The following PCSK5 variants were observed in gnomAD, a reference collection of about 807,000 sequenced individuals.
The protein encoded by PCSK5 is prohormone convertase 5.
Under a neutral mutation model 233.2 loss-of-function variants are expected in PCSK5, and 129 were observed. The observed-to-expected ratio is 0.55, with a 90% CI of 0.48 to 0.64. The LOEUF (loss-of-function observed/expected upper bound fraction) is 0.64. Ranked by LOEUF, PCSK5 falls within the 30% of genes least tolerant of loss-of-function variation. The probability of loss-of-function intolerance (pLI) is 0.00; values close to 1 mark genes in which losing one functional copy is unlikely to be tolerated. For missense variants in PCSK5, 2,076 were observed against 2,430.1 expected, an observed-to-expected ratio of 0.85 and a Z score of 3.06; for synonymous variants, 825 against 879.2, an observed-to-expected ratio of 0.94 and a Z score of 1.09.
At chr9:76,348,377 C>T (rs1323068149) in intron 35 of PCSK5, among the ~76,000 whole-genome samples, 1 of 152,160 alleles carries the variant, frequency 6.6e-6, no homozygotes, top group East Asian at 1.9e-4. Flanking sequence ...CGCCACTGCA[C>T]TCCAGCCTGG....
chr9:76,178,151 A>G (rs532618920), intron 14 of PCSK5, among the ~76,000 whole-genome samples: 1 of 152,172 alleles, frequency 6.6e-6, no homozygotes, highest in Non-Finnish European at 1.5e-5. Context: ...ACTTCAGTCC[A>G]TAGACAGCAG....
intron 16 of PCSK5, 65 bp from the exon 17 acceptor site, chr9:76,184,608 A>T: frequency 9.7e-7 from 1 of 1,035,862 alleles, no homozygotes; most frequent in Non-Finnish European, 1.5e-6. Flanking sequence ...GCATTAGAAC[A>T]TCTCTGATGC....
intron 13 of PCSK5, 43 bp from the exon 14 acceptor site, chr9:76,174,943 G>T: frequency 6.4e-7 from 1 of 1,554,390 alleles, no homozygotes; most frequent in South Asian, 1.2e-5. Flanking sequence ...GAGCTAAAGA[G>T]GGAAAATTTG....
chr9:75,978,786 G>C (rs1468032017), intron 2 of PCSK5, among the ~76,000 whole-genome samples: 1 of 151,802 alleles, frequency 6.6e-6, no homozygotes, highest in East Asian at 1.9e-4. Context: ...TTAAGTCACT[G>C]TGTCTTCTGA....
chr9:76,004,072 A>G (rs1827376055), intron 3 of PCSK5, among the ~76,000 whole-genome samples: 1 of 152,096 alleles, frequency 6.6e-6, no homozygotes, highest in Non-Finnish European at 1.5e-5. Flanking sequence ...TGCTGGGATT[A>G]TAGGCATGAA....
chr9:76,194,162 A>ATCCAGCTCCCCTGAAATTC (rs1824570381), intron 20 of PCSK5: 1 of 152,370 alleles, frequency 6.6e-6, no homozygotes, highest in Middle Eastern at 3.2e-3. Context: ...GCTGAGGCTG[A>ATCCAGCTCCCCTGAAATTC]TCCAGCTCCC....
At position 75,890,889 on chromosome 9, in the gene PCSK5, C is replaced by A. The variant is rs1462669864; in HGVS notation, c.-293C>A. The A allele has an allele frequency of 3.0e-6, 1 of 329,034 alleles. No individual in the cohort carries two copies. Among genetic ancestry groups the A allele is most frequent in the African/African-American group, 2.1e-5 (1 of 47,140 alleles). 20.4% of individuals were successfully genotyped at this position (329,034 alleles called of 1,614,324 possible). A position where few individuals can be genotyped will look rare whatever the true frequency, so the allele number is the denominator to read the frequency against. ...GCGAAACCCAACTGCGGAGGACGCC[C>A]GCCCCACTCAGCCTCCTCCTGCGTC... On this transcript the variant is annotated 5_prime_UTR_variant, in exon 1 of 38. Coordinates refer to ENST00000674117, the MANE Select transcript of PCSK5 (RefSeq NM_001372043.1).
At chr9:76,073,974 G>T (rs10869687) in intron 7 of PCSK5, among the ~76,000 whole-genome samples, 104,685 of 151,976 alleles carry the variant, frequency 0.69, 36,429 homozygotes, top group South Asian at 0.79. Context: ...TCCAACACAT[G>T]AGGAAGATTA....
chr9:75,954,577 G>A (rs1825011799), intron 2 of PCSK5, among the ~76,000 whole-genome samples: 1 of 152,134 alleles, frequency 6.6e-6, no homozygotes, highest in Non-Finnish European at 1.5e-5. Flanking sequence ...TTGTTACAAT[G>A]GCAATTTGTT....
intron 3 of PCSK5, among the ~76,000 whole-genome samples, chr9:76,010,957 T>A (rs897576650): frequency 3.9e-5 from 6 of 152,184 alleles, no homozygotes; most frequent in Admixed American, 6.5e-5. Context: ...TAGGAGTTAC[T>A]ATAAAGTTCA....
chr9:76,341,754 A>G (rs1829843126), intron 35 of PCSK5, among the ~76,000 whole-genome samples: 1 of 152,204 alleles, frequency 6.6e-6, no homozygotes, highest in Non-Finnish European at 1.5e-5. Flanking sequence ...CCTGTCTTCA[A>G]CCTGAAACTC....
At chr9:75,976,983 AC>A in intron 2 of PCSK5, among the ~76,000 whole-genome samples, 1 of 152,228 alleles carries the variant, frequency 6.6e-6, no homozygotes, top group South Asian at 2.1e-4. Flanking sequence ...CTTGGCATTG[AC>A]CATTGAAATG....
chr9:76,152,794 ATAGAGTCTTTT>A (rs1195889574), intron 10 of PCSK5, among the ~76,000 whole-genome samples: 6 of 152,220 alleles, frequency 3.9e-5, no homozygotes, highest in Admixed American at 2.0e-4. Flanking sequence ...TATCTTTAGA[ATAGAGTCTTTT>A]AGGCCTCTTA....
chr9:76,060,442 C>T (rs894414519), intron 5 of PCSK5, among the ~76,000 whole-genome samples: 2 of 152,056 alleles, frequency 1.3e-5, no homozygotes, highest in Non-Finnish European at 2.9e-5. Flanking sequence ...GCATCCTCAT[C>T]GCCTTCATAT....
chr9:76,262,065 G>A (rs1467386806), intron 24 of PCSK5, among the ~76,000 whole-genome samples: 1 of 152,126 alleles, frequency 6.6e-6, no homozygotes, highest in African/African-American at 2.4e-5. Flanking sequence ...GGTGAGAGAG[G>A]GCATCCCTGT....
intron 24 of PCSK5, among the ~76,000 whole-genome samples, chr9:76,273,387 A>T (rs1050724568): frequency 1.3e-5 from 2 of 152,000 alleles, no homozygotes; most frequent in East Asian, 3.9e-4. Context: ...TGTACTAGGA[A>T]TTAGTCTCCT....
intron 27 of PCSK5, among the ~76,000 whole-genome samples, chr9:76,299,639 T>C (rs527758904): frequency 6.6e-6 from 1 of 151,780 alleles, no homozygotes; most frequent in Non-Finnish European, 1.5e-5. Flanking sequence ...GCCACAGCAC[T>C]CCAGCCTGGG....
intron 7 of PCSK5, among the ~76,000 whole-genome samples, chr9:76,080,607 A>G (rs1830800418): frequency 1.3e-5 from 2 of 152,124 alleles, no homozygotes; most frequent in Admixed American, 6.5e-5. Context: ...ATGGTGTAGT[A>G]TGGTGGTTAA....
rs529118276 is a variant in PCSK5 at position 75,927,467 on chromosome 9, A to G, written c.193-4912A>G. 9.2e-5 allele frequency among the ~76,000 whole-genome samples: 14 copies of G among 152,296 alleles called. No homozygotes were observed. In the South Asian group the frequency reaches 2.7e-3, roughly 29 times the overall value. ...CTAGGTGACCAACTGTCCCTATTTC[A>G]GCACTGAAAAATCCTGTGTCCCAGG... On this transcript the variant is annotated intron_variant, in intron 1 of 37. Coordinates refer to ENST00000674117, the MANE Select transcript of PCSK5 (RefSeq NM_001372043.1).
Sources: allele counts gnomAD v4.1 joint callset (sites outside exome capture counted in the v4.1 genomes callset), GRCh38; gene constraint gnomAD v4.1.1; transcripts MANE v1.5; gene names NCBI Gene and HGNC (gene_info 2026-07-23, HGNC 2026-07-21).